Variants in CLSTN2 observed in about 807,000 individuals in gnomAD.
CLSTN2 encodes the protein calsyntenin-2.
In CLSTN2, 48 loss-of-function variants were observed where a neutral mutation model predicts 101.2. The observed-to-expected ratio is 0.47, with a 90% CI of 0.38 to 0.60. The LOEUF is 0.60. Among genes scored for constraint, CLSTN2 ranks in the 20% least tolerant of loss-of-function variants. The probability of loss-of-function intolerance (pLI) is 0.00; values close to 1 mark genes in which losing one functional copy is unlikely to be tolerated. For synonymous variants in CLSTN2, 481 were observed against 463.6 expected (o/e 1.04, Z -0.48); for missense variants, 1,160 against 1,238.2 (o/e 0.94, Z 0.95).
chr3:139,936,551 G>A (rs1054302873), intron 1 of CLSTN2, among the ~76,000 whole-genome samples: 3 of 152,210 alleles, frequency 2.0e-5, no homozygotes, highest in Non-Finnish European at 4.4e-5. Context: ...ATCAGAGGGC[G>A]GAGGGGTTTG....
intron 1 of CLSTN2, among the ~76,000 whole-genome samples, chr3:140,162,359 A>G (rs140379806): frequency 6.6e-6 from 1 of 152,270 alleles, no homozygotes; most frequent in East Asian, 1.9e-4. Context: ...CCAGTATAGT[A>G]CTTGCTATGC....
chr3:140,080,385 A>T (rs561482434), intron 1 of CLSTN2, among the ~76,000 whole-genome samples: 1 of 152,202 alleles, frequency 6.6e-6, no homozygotes, highest in African/African-American at 2.4e-5. Context: ...GACTGGACGT[A>T]GTAGGTGCCT....
intron 6 of CLSTN2, among the ~76,000 whole-genome samples, chr3:140,451,539 T>C (rs1263445016): frequency 6.6e-6 from 1 of 152,130 alleles, no homozygotes; most frequent in Non-Finnish European, 1.5e-5. Flanking sequence ...CAGTCCTGCC[T>C]CTACATTAGA....
At chr3:139,963,271 G>A (rs1195468045) in intron 1 of CLSTN2, among the ~76,000 whole-genome samples, 1 of 152,070 alleles carries the variant, frequency 6.6e-6, no homozygotes, top group Non-Finnish European at 1.5e-5. Context: ...TGTTTTTCTT[G>A]GAAGAGCAGT....
chr3:140,273,954 G>A (rs955002762), intron 2 of CLSTN2, among the ~76,000 whole-genome samples: 13 of 152,138 alleles, frequency 8.5e-5, no homozygotes, highest in African/African-American at 1.9e-4. Context: ...ATAGTTGAAC[G>A]CACAGAGCCA....
At chr3:140,045,373 C>T (rs1305996291) in intron 1 of CLSTN2, among the ~76,000 whole-genome samples, 2 of 151,804 alleles carry the variant, frequency 1.3e-5, no homozygotes, top group South Asian at 4.2e-4. Flanking sequence ...TGGTGATATC[C>T]CCTTTATCAT....
chr3:140,114,489 T>G (rs192223838), intron 1 of CLSTN2, among the ~76,000 whole-genome samples: 45 of 152,246 alleles, frequency 3.0e-4, no homozygotes, highest in African/African-American at 1.1e-3. Context: ...TATCTAAAGC[T>G]GAATCACCTA....
At chr3:140,251,345 G>A (rs750272036) in intron 2 of CLSTN2, among the ~76,000 whole-genome samples, 20 of 151,992 alleles carry the variant, frequency 1.3e-4, no homozygotes, top group Non-Finnish European at 2.8e-4. Flanking sequence ...AAGTGCTATG[G>A]GCTGTATGAT....
rs762643651 is a variant in CLSTN2 at position 140,562,151 on chromosome 3, A to T, written c.2055A>T (p.Glu685Asp). 9.3e-6 allele frequency: 15 copies of T among 1,613,826 alleles called. No homozygotes were observed. In the South Asian group the frequency reaches 1.6e-4, roughly 18 times the overall value. Residue 685 changes from glutamate (E) to aspartate (D), a missense_variant, in exon 13 of 17, where the codon GAA becomes GAT. Physicochemically the swap from Glu to Asp is conservative, Grantham distance 45. Transcript: ENST00000458420. ...GDVKTTDPKS[E>D]VLEEMLHNLD... Reference sequence around the variant, plus strand: ...GTCTTCCTACAGACCCCAAATCAGAAGTCTTAGAGGAAATGCTTCATAACT... The same window carrying T: ...GTCTTCCTACAGACCCCAAATCAGATGTCTTAGAGGAAATGCTTCATAACT...
Position 140,370,917 on chromosome 3 carries a change from T to C in CLSTN2, c.233-32712T>C, listed in dbSNP as rs1489747199. The stretch of plus-strand genomic sequence containing the variant: ...CCCTAACCTGGACAAGCCAAACACA[T>C]GACACATACCTCCAACAACTTGGCT... On this transcript the variant is annotated intron_variant, in intron 2 of 16. Transcript: ENST00000458420. Among the ~76,000 whole-genome samples, 4 of 148,234 alleles carry C rather than the reference T, an allele frequency of 2.7e-5. No individual in the cohort carries two copies. In the East Asian group the frequency reaches 8.5e-4, roughly 31 times the overall value.
At chr3:140,204,861 G>A (rs9867592) in intron 2 of CLSTN2, among the ~76,000 whole-genome samples, 13 of 151,968 alleles carry the variant, frequency 8.6e-5, no homozygotes, top group Non-Finnish European at 1.6e-4. Context: ...TGTCTGTCCC[G>A]CTGTCCCCCA....
intron 5 of CLSTN2, among the ~76,000 whole-genome samples, chr3:140,426,785 G>T (rs2088568622): frequency 6.6e-6 from 1 of 152,150 alleles, no homozygotes; most frequent in Admixed American, 6.5e-5. Context: ...TAGACTGTTT[G>T]AGTTCTAAGA....
rs114141081 is a variant in CLSTN2, at chr3:140,371,211, G to A, written c.233-32418G>A. Among the ~76,000 whole-genome samples, 394 of 152,264 alleles carry A rather than the reference G, an allele frequency of 2.6e-3. 2 individuals carry two copies. The highest frequency in any genetic ancestry group is 8.3e-3 in the African/African-American group (345 of 41,538). On this transcript the variant is annotated intron_variant, in intron 2 of 16. Transcript: ENST00000458420. ...TCCCAGCAGGTACCTCTGGAGACAG[G>A]GATCTGAGAGGCCTTTGGAAGTGAG...
At chr3:140,206,760 G>A (rs2010788142) in intron 2 of CLSTN2, among the ~76,000 whole-genome samples, 1 of 152,194 alleles carries the variant, frequency 6.6e-6, no homozygotes, top group South Asian at 2.1e-4. Flanking sequence ...TACTTGCCCT[G>A]TTAGAATCTC....
intron 2 of CLSTN2, among the ~76,000 whole-genome samples, chr3:140,251,579 CTTCCGTTCCTTTCCT>C (rs2086563776): frequency 1.9e-5 from 1 of 53,022 alleles, no homozygotes; most frequent in African/African-American, 7.7e-5. Flanking sequence ...CAACTCTTAG[CTTCCGTTCCTTTCCT>C]TTCCTTTCCT....
At chr3:139,958,271 C>T (rs1935446566) in intron 1 of CLSTN2, among the ~76,000 whole-genome samples, 1 of 152,126 alleles carries the variant, frequency 6.6e-6, no homozygotes. Context: ...TCATCAAACA[C>T]CAAGAATATT....
chr3:140,541,074 T>C (rs925405201), intron 9 of CLSTN2, among the ~76,000 whole-genome samples: 1 of 152,076 alleles, frequency 6.6e-6, no homozygotes, highest in Non-Finnish European at 1.5e-5. Flanking sequence ...TCCCCCAGCA[T>C]TGAGTCAGTC....
intron 8 of CLSTN2, among the ~76,000 whole-genome samples, chr3:140,518,423 C>G (rs560499269): frequency 2.0e-5 from 3 of 152,242 alleles, no homozygotes; most frequent in South Asian, 4.2e-4. Flanking sequence ...CCCAAGAACC[C>G]CTGTGAGACA....
chr3:140,163,619 A>C (rs1471850771), intron 1 of CLSTN2, among the ~76,000 whole-genome samples: 1 of 151,544 alleles, frequency 6.6e-6, no homozygotes, highest in Non-Finnish European at 1.5e-5. Context: ...AGGAGATGGA[A>C]CTGAATGTGT....
Sources: allele counts gnomAD v4.1 joint callset (sites outside exome capture counted in the v4.1 genomes callset), GRCh38; gene constraint gnomAD v4.1.1; transcripts MANE v1.5; gene names NCBI Gene and HGNC (gene_info 2026-07-23, HGNC 2026-07-21).